AOPEP: variants seen among roughly 807,000 people sequenced by gnomAD.
AOPEP encodes the protein aminopeptidase O.
In AOPEP, 77 loss-of-function variants were observed where a neutral mutation model predicts 98.1. That is an observed-to-expected ratio of 0.78 (90% CI 0.65 to 0.95). AOPEP has a LOEUF of 0.95. Ranked by LOEUF, AOPEP falls within the 40% of genes least tolerant of loss-of-function variation. The pLI is 0.00. For synonymous variants in AOPEP, 346 were observed against 365.3 expected, an observed-to-expected ratio of 0.95 and a Z score of 0.60; for missense variants, 1,024 against 1,024.7, an observed-to-expected ratio of 1.00 and a Z score of 0.01.
the AOPEP span, among the ~76,000 whole-genome samples, chr9:95,147,692 T>C: frequency 6.6e-6 from 1 of 152,342 alleles, no homozygotes; most frequent in African/African-American, 2.4e-5. Flanking sequence ...TATTGTGTCT[T>C]ATGCAACAAT....
intron 5 of AOPEP, among the ~76,000 whole-genome samples, chr9:94,838,565 C>T (rs1258751040): frequency 1.2e-4 from 18 of 152,028 alleles, no homozygotes; most frequent in Non-Finnish European, 4.4e-5. Context: ...TTGTTTTGTT[C>T]TGGGTCTTTT....
chr9:94,986,594 A>T (rs756384522), intron 11 of AOPEP, among the ~76,000 whole-genome samples: 6 of 152,228 alleles, frequency 3.9e-5, no homozygotes, highest in Non-Finnish European at 5.9e-5. Context: ...GTGAGTGCAC[A>T]AGAATTAAAA....
At chr9:94,749,810 A>G (rs1443253779) in intron 1 of AOPEP, among the ~76,000 whole-genome samples, 2 of 152,212 alleles carry the variant, frequency 1.3e-5, no homozygotes, top group African/African-American at 4.8e-5. Flanking sequence ...TAGCTGCTTT[A>G]AAATCTTTAT....
chr9:94,812,439 C>T (rs944312472), intron 5 of AOPEP, among the ~76,000 whole-genome samples: 34 of 152,242 alleles, frequency 2.2e-4, no homozygotes, highest in African/African-American at 8.2e-4. Context: ...CTGTCTCGCT[C>T]CAAGGGACTC....
At chr9:94,790,166 C>T (rs949905082) in intron 3 of AOPEP, among the ~76,000 whole-genome samples, 8 of 151,612 alleles carry the variant, frequency 5.3e-5, no homozygotes, top group Non-Finnish European at 1.0e-4. Context: ...TGAGCCACCG[C>T]GCCCGGCCAA....
At chr9:94,888,576 G>A (rs1181797543) in intron 5 of AOPEP, among the ~76,000 whole-genome samples, 1 of 152,148 alleles carries the variant, frequency 6.6e-6, no homozygotes, top group Non-Finnish European at 1.5e-5. Context: ...GGTACCTGGA[G>A]TTCTTTGTCT....
intron 5 of AOPEP, among the ~76,000 whole-genome samples, chr9:94,826,438 C>T (rs1232589484): frequency 6.6e-6 from 1 of 152,202 alleles, no homozygotes; most frequent in Non-Finnish European, 1.5e-5. Context: ...TCTTCGTTCC[C>T]TTTTCCTGAT....
At chr9:95,070,608 G>A (rs2134064984) in intron 14 of AOPEP, among the ~76,000 whole-genome samples, 2 of 152,384 alleles carry the variant, frequency 1.3e-5, no homozygotes, top group South Asian at 4.1e-4. Context: ...TATCAAGCAT[G>A]TACTATGTGC....
intron 14 of AOPEP, among the ~76,000 whole-genome samples, chr9:95,073,479 T>C: frequency 6.6e-6 from 1 of 151,106 alleles, no homozygotes; most frequent in African/African-American, 2.5e-5. Flanking sequence ...GCCGGCGCGG[T>C]GGCTCCCGCC....
At chr9:95,004,826 C>G (rs1265250922) in intron 11 of AOPEP, among the ~76,000 whole-genome samples, 1 of 147,072 alleles carries the variant, frequency 6.8e-6, no homozygotes, top group Non-Finnish European at 1.5e-5. Flanking sequence ...CGGGAGCACG[C>G]CGTTCGTGGG....
At chr9:94,793,932 C>T (rs141063641) in intron 4 of AOPEP, among the ~76,000 whole-genome samples, 39 of 152,306 alleles carry the variant, frequency 2.6e-4, no homozygotes, top group African/African-American at 9.1e-4. Flanking sequence ...TTCTATGCTA[C>T]TCTGCTGTTT....
intron 13 of AOPEP, among the ~76,000 whole-genome samples, chr9:95,038,749 C>T (rs959070143): frequency 1.4e-4 from 21 of 152,202 alleles, no homozygotes; most frequent in Middle Eastern, 3.2e-3. Context: ...AGAAGTTGTA[C>T]ATCTTCTTAT....
chr9:94,783,776 A>G (rs1186833758), intron 3 of AOPEP, among the ~76,000 whole-genome samples: 3 of 152,200 alleles, frequency 2.0e-5, no homozygotes, highest in East Asian at 1.9e-4. Flanking sequence ...CTGAATATAC[A>G]TATTCCTGTA....
chr9:95,076,114 T>C (rs1417878096), intron 14 of AOPEP, among the ~76,000 whole-genome samples: 1 of 152,236 alleles, frequency 6.6e-6, no homozygotes. Flanking sequence ...ACCTTTCTAA[T>C]TAGTCCCTTC....
intron 13 of AOPEP, among the ~76,000 whole-genome samples, chr9:95,026,962 A>G (rs1425251314): frequency 6.6e-6 from 1 of 152,230 alleles, no homozygotes; most frequent in Non-Finnish European, 1.5e-5. Context: ...TTGTTAACAC[A>G]TGTTAATTAA....
At chr9:94,858,909 T>G (rs1469259806) in intron 5 of AOPEP, among the ~76,000 whole-genome samples, 1 of 151,564 alleles carries the variant, frequency 6.6e-6, no homozygotes, top group East Asian at 2.0e-4. Flanking sequence ...GTGCCTGTAG[T>G]CCCAGCTACT....
At chr9:95,065,106 T>A (rs1212846321) in intron 14 of AOPEP, among the ~76,000 whole-genome samples, 1 of 152,264 alleles carries the variant, frequency 6.6e-6, no homozygotes, top group Non-Finnish European at 1.5e-5. Context: ...GTAAGACATT[T>A]CTATTTTGTT....
intron 5 of AOPEP, among the ~76,000 whole-genome samples, chr9:94,923,503 A>G (rs141872604): frequency 1.3e-5 from 2 of 152,344 alleles, no homozygotes; most frequent in Middle Eastern, 3.4e-3. Context: ...CCCGTGCAGA[A>G]TGGAACATTT....
At chr9:94,854,293 C>T (rs1300947417) in intron 5 of AOPEP, among the ~76,000 whole-genome samples, 1 of 152,052 alleles carries the variant, frequency 6.6e-6, no homozygotes, top group Non-Finnish European at 1.5e-5. Context: ...AGAAAATGGG[C>T]AGCAAGTCAT....
Sources: gnomAD v4.1 joint callset for allele counts (sites outside exome capture counted in the v4.1 genomes callset) on GRCh38, gnomAD v4.1.1 for gene constraint, MANE v1.5 for transcripts, NCBI Gene and HGNC (gene_info 2026-07-23, HGNC 2026-07-21) for gene names.